ARHGAP22: variants seen among roughly 807,000 people sequenced by gnomAD.
ARHGAP22 encodes the protein Rho GTPase activating protein 22.
A neutral mutation model predicts 59.1 loss-of-function variants in ARHGAP22; 48 were observed. The observed-to-expected ratio is 0.81, with a 90% confidence interval of 0.64 to 1.03. The LOEUF (loss-of-function observed/expected upper bound fraction) is 1.03. ARHGAP22 is among the 50% of genes least tolerant of loss of function. The pLI is 0.00. For synonymous variants in ARHGAP22, 445 were observed against 416.4 expected (o/e 1.07, Z -0.84); for missense variants, 1,015 against 958.7 (o/e 1.06, Z -0.78).
chr10:48,510,933 G>A (rs1472105172), intron 3 of ARHGAP22: 1 of 152,284 alleles, frequency 6.6e-6, no homozygotes, highest in Non-Finnish European at 1.5e-5. Context: ...GAGGCTGTAT[G>A]TTACATCTAA....
intron 3 of ARHGAP22, among the ~76,000 whole-genome samples, chr10:48,543,971 G>C (rs1458424308): frequency 6.6e-6 from 1 of 152,002 alleles, no homozygotes; most frequent in Non-Finnish European, 1.5e-5. Context: ...AAAATACAAA[G>C]AAATTAGCCG....
At chr10:48,516,054 A>T (rs760254599) in intron 3 of ARHGAP22, among the ~76,000 whole-genome samples, 103 of 151,964 alleles carry the variant, frequency 6.8e-4, no homozygotes, top group Non-Finnish European at 1.3e-3. Context: ...TAGAAAAACA[A>T]TAGGAAAAAT....
At chr10:48,640,105 G>T (rs2061983383) in intron 1 of ARHGAP22, among the ~76,000 whole-genome samples, 1 of 152,190 alleles carries the variant, frequency 6.6e-6, no homozygotes, top group African/African-American at 2.4e-5. Flanking sequence ...CTCAGCAGAA[G>T]ATTTGAGGAA....
At chr10:48,511,982 G>A (rs2052818980) in intron 3 of ARHGAP22, among the ~76,000 whole-genome samples, 1 of 152,256 alleles carries the variant, frequency 6.6e-6, no homozygotes, top group African/African-American at 2.4e-5. Flanking sequence ...TTAGTGGGCA[G>A]GGAGGAGGCT....
intron 3 of ARHGAP22, among the ~76,000 whole-genome samples, chr10:48,519,434 G>A (rs1295842318): frequency 2.0e-5 from 3 of 152,240 alleles, no homozygotes; most frequent in Non-Finnish European, 4.4e-5. Flanking sequence ...TTACAATGCA[G>A]TGATAAACAC....
chr10:48,576,043 T>C (rs2058693939), intron 2 of ARHGAP22, among the ~76,000 whole-genome samples: 1 of 152,214 alleles, frequency 6.6e-6, no homozygotes, highest in African/African-American at 2.4e-5. Flanking sequence ...AGTGAGGACC[T>C]AGATCCTGGG....
chr10:48,462,056 A>T (rs2047183408), intron 4 of ARHGAP22, among the ~76,000 whole-genome samples: 1 of 152,206 alleles, frequency 6.6e-6, no homozygotes, highest in Non-Finnish European at 1.5e-5. Flanking sequence ...TTCCTTTGAG[A>T]ACACATGCCC....
At chr10:48,584,767 G>T (rs1411143160) in intron 1 of ARHGAP22, among the ~76,000 whole-genome samples, 1 of 152,208 alleles carries the variant, frequency 6.6e-6, no homozygotes. Context: ...GGCCAAGGCG[G>T]GCGGATCACG....
At chr10:48,647,118 G>A (rs1292237109) in intron 1 of ARHGAP22, among the ~76,000 whole-genome samples, 1 of 152,324 alleles carries the variant, frequency 6.6e-6, no homozygotes, top group East Asian at 1.9e-4. Context: ...AACAGGCTGG[G>A]CTTGGTGGTT....
At chr10:48,557,292 A>G (rs12358311) in intron 2 of ARHGAP22, among the ~76,000 whole-genome samples, 23,254 of 152,110 alleles carry the variant, frequency 0.15, 1,880 homozygotes, top group Admixed American at 0.23. Context: ...GTGTCATTCT[A>G]GGTACTTTGC....
chr10:48,591,228 C>T (rs372121668), intron 1 of ARHGAP22, among the ~76,000 whole-genome samples: 1 of 152,200 alleles, frequency 6.6e-6, no homozygotes. Context: ...GAGATGAAAA[C>T]ACGTTAACAC....
At chr10:48,466,678 C>A (rs1301940971) in intron 4 of ARHGAP22, 5 of 54 alleles carry the variant, frequency 0.093, no homozygotes, top group Admixed American at 0.25. Context: ...GCCCATGGCG[C>A]GCCTATCGCG....
chr10:48,439,995 T>G, the ARHGAP22 span, among the ~76,000 whole-genome samples: 4 of 152,192 alleles, frequency 2.6e-5, no homozygotes, highest in Non-Finnish European at 5.9e-5. Flanking sequence ...ATCACCGTCA[T>G]AGAGAGGCCT....
rs2049059876 is a variant in ARHGAP22 at position 48,479,448 on chromosome 10, T to C, written c.451+188A>G. On this transcript the variant is annotated intron_variant, in intron 4 of 9. Transcript: ENST00000249601. ...ACACAGTTTTCAATAAAGGAGGAAG[T>C]GAGTACACGGCAGCCGTTGGGTGAC... 5.0e-6 allele frequency: 5 copies of C among 993,486 alleles called. No homozygotes were observed. In the South Asian group the frequency reaches 6.9e-5, roughly 14 times the overall value. 61.5% of individuals were successfully genotyped at this position (993,486 alleles called of 1,614,324 possible). A position where few individuals can be genotyped will look rare whatever the true frequency, so the allele number is the denominator to read the frequency against.
chr10:48,463,393 G>T (rs565572482), intron 4 of ARHGAP22, among the ~76,000 whole-genome samples: 4 of 152,338 alleles, frequency 2.6e-5, no homozygotes, highest in African/African-American at 9.6e-5. Flanking sequence ...AGAGGCCTCT[G>T]CTAGGACCTC....
chr10:48,572,496 T>C (rs1483795407), intron 2 of ARHGAP22, among the ~76,000 whole-genome samples: 1 of 152,234 alleles, frequency 6.6e-6, no homozygotes, highest in Non-Finnish European at 1.5e-5. Context: ...ATGTCCCTGC[T>C]TCACCTATTG....
chr10:48,522,161 C>T (rs1007220998), intron 3 of ARHGAP22, among the ~76,000 whole-genome samples: 3 of 152,252 alleles, frequency 2.0e-5, no homozygotes, highest in Non-Finnish European at 2.9e-5. Context: ...GGGTTCTCTC[C>T]TCCCTGCCAG....
At chr10:48,524,619 G>C (rs1183862534) in intron 3 of ARHGAP22, among the ~76,000 whole-genome samples, 1 of 152,138 alleles carries the variant, frequency 6.6e-6, no homozygotes, top group Non-Finnish European at 1.5e-5. Flanking sequence ...GCATCCTCTG[G>C]GCAGTCATCT....
rs532472749 is a variant in ARHGAP22 at position 48,626,256 on chromosome 10, C to A, written c.52+25978G>T. Among the ~76,000 whole-genome samples the A allele has an allele frequency of 2.6e-5, 4 of 152,276 alleles. No individual in the cohort carries two copies. The South Asian group carries it at 8.3e-4, about 32-fold the overall frequency. On this transcript the variant is annotated intron_variant, in intron 1 of 9. Transcript: ENST00000435790. Reference sequence around the variant, plus strand: ...GTCTTTTTCTTGTCCTGATTCCAGACCAGGAGCCCGGCATGGAAACTGGAG... The same window carrying A: ...GTCTTTTTCTTGTCCTGATTCCAGAACAGGAGCCCGGCATGGAAACTGGAG...
Sources: gnomAD v4.1 joint callset for allele counts (sites outside exome capture counted in the v4.1 genomes callset) on GRCh38, gnomAD v4.1.1 for gene constraint, MANE v1.5 for transcripts, NCBI Gene and HGNC (gene_info 2026-07-23, HGNC 2026-07-21) for gene names.